The following ANXA8 variants were observed in gnomAD, a reference collection of about 807,000 sequenced individuals.
The protein encoded by ANXA8 is VAC-beta.
A neutral mutation model predicts 26.8 loss-of-function variants in ANXA8; 9 were observed. The ratio of observed to expected loss-of-function variants is 0.34; its 90% CI spans 0.20 to 0.59. The LOEUF (loss-of-function observed/expected upper bound fraction) is 0.59, where lower values mean the gene tolerates loss of function less well. Ranked by LOEUF, ANXA8 falls within the 20% of genes least tolerant of loss-of-function variation. The pLI is 0.84. For missense variants in ANXA8, 83 were observed against 238.5 expected (o/e 0.35, Z 4.29); for synonymous variants, 39 against 94.8 (o/e 0.41, Z 3.42).
the ANXA8 span, among the ~76,000 whole-genome samples, chr10:47,941,424 G>T: frequency 1.4e-5 from 2 of 146,894 alleles, 1 homozygote; most frequent in African/African-American, 5.3e-5. Flanking sequence ...GGAGGCCAAG[G>T]TAGATGGATC....
the ANXA8 span, among the ~76,000 whole-genome samples, chr10:47,674,121 G>A: frequency 2.6e-5 from 4 of 150,956 alleles, no homozygotes; most frequent in African/African-American, 9.8e-5. Flanking sequence ...AGAACATGCA[G>A]GTGAAGTACA....
the ANXA8 span, among the ~76,000 whole-genome samples, chr10:47,659,017 G>T: frequency 1.3e-5 from 2 of 149,646 alleles, no homozygotes; most frequent in African/African-American, 5.1e-5. Context: ...GAATACAGGC[G>T]CCCGCCACCA....
chr10:47,502,900 T>C, the ANXA8 span: 3 of 1,603,936 alleles, frequency 1.9e-6, no homozygotes, highest in African/African-American at 1.4e-5. Context: ...AATCATAAAG[T>C]TGTTGGTGCT....
At chr10:47,644,823 T>TGATA in the ANXA8 span, among the ~76,000 whole-genome samples, 1 of 150,952 alleles carries the variant, frequency 6.6e-6, no homozygotes, top group Non-Finnish European at 1.5e-5. Context: ...AAAACACTGA[T>TGATA]GATAATGTTA....
At chr10:47,646,053 T>C in the ANXA8 span, among the ~76,000 whole-genome samples, 1 of 149,204 alleles carries the variant, frequency 6.7e-6, no homozygotes, top group Non-Finnish European at 1.5e-5. Context: ...TGTCTCTTTC[T>C]CTATCTATTT....
At chr10:47,954,856 G>T in the ANXA8 span, among the ~76,000 whole-genome samples, 2 of 151,108 alleles carry the variant, frequency 1.3e-5, 1 homozygote, top group Non-Finnish European at 2.9e-5. Context: ...AGCAAATTGT[G>T]ATATTGCTGC....
At chr10:47,543,713 A>G in the ANXA8 span, 1 of 595,458 alleles carries the variant, frequency 1.7e-6, no homozygotes, top group Non-Finnish European at 2.7e-6. Flanking sequence ...CAAAGTTCCT[A>G]TACCTCCTTT....
chr10:47,502,441 T>A, the ANXA8 span: 1 of 1,612,134 alleles, frequency 6.2e-7, no homozygotes, highest in Admixed American at 1.7e-5. Context: ...CCACCATTCC[T>A]TCTCTTCCCT....
chr10:47,667,555 TTTTG>T, the ANXA8 span, among the ~76,000 whole-genome samples: 2 of 151,854 alleles, frequency 1.3e-5, no homozygotes, highest in Non-Finnish European at 2.9e-5. Flanking sequence ...AATTTATTGT[TTTTG>T]TTTGTTTTTT....
chr10:47,777,078 AT>A, the ANXA8 span, among the ~76,000 whole-genome samples: 1 of 151,920 alleles, frequency 6.6e-6, no homozygotes, highest in East Asian at 1.9e-4. Context: ...GAAATACAGT[AT>A]TTTTTTCTGG....
At chr10:47,975,094 T>C in the ANXA8 span, among the ~76,000 whole-genome samples, 5 of 149,710 alleles carry the variant, frequency 3.3e-5, 1 homozygote, top group South Asian at 2.1e-4. Context: ...GTTTTTTTTT[T>C]CTAGAAATCT....
the ANXA8 span, among the ~76,000 whole-genome samples, chr10:47,951,458 T>A: frequency 6.7e-6 from 1 of 149,912 alleles, no homozygotes; most frequent in Non-Finnish European, 1.5e-5. Context: ...ATAATCCTGA[T>A]ATCAAACTCA....
chr10:47,700,644 T>C, the ANXA8 span, among the ~76,000 whole-genome samples: 5 of 151,558 alleles, frequency 3.3e-5, no homozygotes, highest in African/African-American at 9.7e-5. Flanking sequence ...GAAGATAAAC[T>C]GATACATTTT....
chr10:47,474,966 T>C lies in ANXA8; in HGVS notation c.531A>G (p.Gly177=). 6.5e-7 allele frequency: 1 copy of C among 1,529,040 alleles called. No individual in the cohort carries two copies. The highest frequency in any genetic ancestry group is 8.8e-7 in the Non-Finnish European group (1 of 1,131,218). 94.7% of individuals were successfully genotyped at this position (1,529,040 alleles called of 1,614,324 possible). Residue 177 remains glycine, a synonymous_variant, in exon 7 of 12, where the codon GGA becomes GGG. Transcript: ENST00000585281. ...RDDVSSFVDP[G]LALQDAQDLY... ...TCACCTGTGCGTCTTGGAGGGCCAG[T>C]CCTGGGTCCACAAAGCTGCTCACAT...
At chr10:47,632,241 A>T in the ANXA8 span, among the ~76,000 whole-genome samples, 282 of 150,544 alleles carry the variant, frequency 1.9e-3, 3 homozygotes, top group Admixed American at 7.0e-3. Flanking sequence ...AAAATAATAG[A>T]ATTAAAAATA....
chr10:47,659,406 G>A, the ANXA8 span, among the ~76,000 whole-genome samples: 6 of 151,650 alleles, frequency 4.0e-5, 1 homozygote, highest in African/African-American at 1.2e-4. Context: ...TAGGCCGGGC[G>A]CGGTGGCTCA....
the ANXA8 span, among the ~76,000 whole-genome samples, chr10:47,703,406 A>G: frequency 6.6e-6 from 1 of 151,498 alleles, no homozygotes; most frequent in East Asian, 2.0e-4. Context: ...TGTCTCTACA[A>G]AAAATAGAAA....
chr10:47,611,644 T>C, the ANXA8 span, among the ~76,000 whole-genome samples: 1 of 76,966 alleles, frequency 1.3e-5, no homozygotes, highest in African/African-American at 3.7e-5. Flanking sequence ...TCTTTTGAAG[T>C]CCTGTTTCAC....
At chr10:47,529,121 T>C in the ANXA8 span, among the ~76,000 whole-genome samples, 3 of 144,462 alleles carry the variant, frequency 2.1e-5, no homozygotes, top group Non-Finnish European at 4.6e-5. Context: ...CCACAATCTC[T>C]AAAGAAAGAT....
Sources: allele counts gnomAD v4.1 joint callset (sites outside exome capture counted in the v4.1 genomes callset), GRCh38; gene constraint gnomAD v4.1.1; transcripts MANE v1.5; gene names NCBI Gene and HGNC (gene_info 2026-07-23, HGNC 2026-07-21).